ARFIP1: variants seen among roughly 807,000 people sequenced by gnomAD.
ARFIP1 encodes arfaptin-1.
Under a neutral mutation model 42.5 loss-of-function variants are expected in ARFIP1, and 24 were observed. That is an observed-to-expected ratio of 0.57 (90% CI 0.41 to 0.80). The LOEUF (loss-of-function observed/expected upper bound fraction) is 0.80, where lower values mean the gene tolerates loss of function less well. ARFIP1 is among the 30% of genes least tolerant of loss of function. The probability of loss-of-function intolerance (pLI) is 0.00; values close to 1 mark genes in which losing one functional copy is unlikely to be tolerated. For missense variants in ARFIP1, 354 were observed against 434.0 expected (o/e 0.82, Z 1.64); for synonymous variants, 141 against 153.7 (o/e 0.92, Z 0.61).
intron 1 of ARFIP1, among the ~76,000 whole-genome samples, chr4:152,786,316 A>G (rs1192179536): frequency 6.6e-6 from 1 of 152,198 alleles, no homozygotes; most frequent in East Asian, 1.9e-4. Context: ...TATGTCTAAA[A>G]TGAAACTGAT....
chr4:152,792,824 A>AT (rs1224749817), intron 1 of ARFIP1, among the ~76,000 whole-genome samples: 1 of 152,266 alleles, frequency 6.6e-6, no homozygotes, highest in East Asian at 1.9e-4. Context: ...TAAAAATGTG[A>AT]TTTTTATAGT....
At chr4:152,831,858 A>G (rs1731268820) in intron 2 of ARFIP1, among the ~76,000 whole-genome samples, 1 of 151,996 alleles carries the variant, frequency 6.6e-6, no homozygotes. Flanking sequence ...GGTTCGCTGC[A>G]CCTGTCAACC....
chr4:152,792,971 C>A (rs1561099587), intron 1 of ARFIP1, among the ~76,000 whole-genome samples: 3 of 151,954 alleles, frequency 2.0e-5, no homozygotes, highest in Non-Finnish European at 4.4e-5. Context: ...ACAGTAGAAC[C>A]CCCAGAGATG....
At chr4:152,800,328 T>C (rs1728298614) in intron 1 of ARFIP1, among the ~76,000 whole-genome samples, 1 of 152,210 alleles carries the variant, frequency 6.6e-6, no homozygotes, top group African/African-American at 2.4e-5. Context: ...TATTAGGTTT[T>C]ACATATATCA....
At chr4:152,793,535 T>C (rs542483394) in intron 1 of ARFIP1, among the ~76,000 whole-genome samples, 152 of 152,142 alleles carry the variant, frequency 1.0e-3, no homozygotes, top group Non-Finnish European at 1.9e-3. Flanking sequence ...ACTCCATATG[T>C]ACTAAGTTTT....
intron 1 of ARFIP1, among the ~76,000 whole-genome samples, chr4:152,812,516 C>G (rs143245950): frequency 6.6e-6 from 1 of 152,170 alleles, no homozygotes. Flanking sequence ...ATGTTCCACA[C>G]GATTCTTCTC....
chr4:152,783,766 T>C (rs546468772), intron 1 of ARFIP1, among the ~76,000 whole-genome samples: 3 of 152,270 alleles, frequency 2.0e-5, no homozygotes, highest in East Asian at 3.9e-4. Flanking sequence ...ACTGAGAAGT[T>C]TGACAAAAAA....
chr4:152,806,428 G>A (rs530427065), intron 1 of ARFIP1, among the ~76,000 whole-genome samples: 2 of 152,266 alleles, frequency 1.3e-5, no homozygotes, highest in Admixed American at 1.3e-4. Flanking sequence ...TGGTATGGTT[G>A]CTCTCTGGGT....
At chr4:152,831,791 C>T (rs555539018) in intron 2 of ARFIP1, among the ~76,000 whole-genome samples, 1 of 151,676 alleles carries the variant, frequency 6.6e-6, no homozygotes, top group Non-Finnish European at 1.5e-5. Flanking sequence ...ATTTTAAGTT[C>T]TGGGATACAT....
At chr4:152,881,230 T>C in intron 6 of ARFIP1, 46 bp downstream of exon 6, 1 of 1,403,324 alleles carries the variant, frequency 7.1e-7, no homozygotes. Context: ...AAAATGATAA[T>C]AGAAGTATTC....
intron 2 of ARFIP1, among the ~76,000 whole-genome samples, chr4:152,836,855 A>G (rs1731688888): frequency 2.0e-5 from 3 of 152,106 alleles, no homozygotes. Context: ...TAAGTTCTTT[A>G]GTGGTGATTT....
At chr4:152,835,177 A>C (rs778366899) in intron 2 of ARFIP1, among the ~76,000 whole-genome samples, 15 of 152,140 alleles carry the variant, frequency 9.9e-5, no homozygotes, top group Non-Finnish European at 2.1e-4. Context: ...GTCTGCTCGG[A>C]TTCTTTCTCT....
intron 2 of ARFIP1, among the ~76,000 whole-genome samples, chr4:152,845,409 AACAG>A (rs1443993610): frequency 6.6e-5 from 10 of 152,212 alleles, no homozygotes; most frequent in African/African-American, 1.4e-4. Context: ...CAACACAGTA[AACAG>A]ACAGCCTACA....
At chr4:152,881,974 A>G (rs1735883191) in intron 6 of ARFIP1, among the ~76,000 whole-genome samples, 1 of 152,192 alleles carries the variant, frequency 6.6e-6, no homozygotes, top group African/African-American at 2.4e-5. Context: ...ATTAAATGAT[A>G]CATCTTAGAA....
intron 3 of ARFIP1, among the ~76,000 whole-genome samples, chr4:152,868,916 G>T (rs892011496): frequency 4.6e-5 from 7 of 152,128 alleles, no homozygotes; most frequent in Non-Finnish European, 8.8e-5. Flanking sequence ...TCTCTAATAA[G>T]AAACTATTTT....
intron 1 of ARFIP1, chr4:152,796,725 C>T: frequency 1.2e-6 from 1 of 822,040 alleles, no homozygotes; most frequent in Non-Finnish European, 2.1e-6. Context: ...TTTTCTTTGC[C>T]TTCTTTGAAC....
chr4:152,820,678 A>G (rs1730297074), intron 1 of ARFIP1, among the ~76,000 whole-genome samples: 2 of 152,208 alleles, frequency 1.3e-5, no homozygotes, highest in Admixed American at 1.3e-4. Flanking sequence ...CACTATCGCA[A>G]GAACAGCAAG....
chr4:152,822,698 A>G (rs764153435), intron 1 of ARFIP1, among the ~76,000 whole-genome samples: 30 of 152,224 alleles, frequency 2.0e-4, no homozygotes, highest in Non-Finnish European at 3.4e-4. Flanking sequence ...TAAAAATCAG[A>G]ATTATATCAG....
intron 3 of ARFIP1, among the ~76,000 whole-genome samples, chr4:152,865,039 G>A (rs187411853): frequency 7.0e-4 from 106 of 150,374 alleles, no homozygotes; most frequent in African/African-American, 2.5e-3. Flanking sequence ...GTTCAATTAA[G>A]CACATATTAA....
Sources: gnomAD v4.1 joint callset for allele counts (sites outside exome capture counted in the v4.1 genomes callset) on GRCh38, gnomAD v4.1.1 for gene constraint, MANE v1.5 for transcripts, NCBI Gene and HGNC (gene_info 2026-07-23, HGNC 2026-07-21) for gene names.